IFT57: variants seen among roughly 807,000 people sequenced by gnomAD.
IFT57 encodes intraflagellar transport 57, also known as intraflagellar transport protein 57 homolog.
IFT57 carries 59 observed loss-of-function variants against 56.8 expected under a neutral mutation model. That is an observed-to-expected ratio of 1.04 (90% CI 0.84 to 1.29). The LOEUF is 1.29. Among genes scored for constraint, IFT57 ranks in the 50% most tolerant of loss-of-function variants. The pLI is 0.00. For synonymous variants in IFT57, 209 were observed against 186.1 expected, an observed-to-expected ratio of 1.12 and a Z score of -1.00; for missense variants, 470 against 522.1, an observed-to-expected ratio of 0.90 and a Z score of 0.97.
chr3:108,210,300 A>T (rs2080336621), intron 4 of IFT57, among the ~76,000 whole-genome samples: 2 of 149,498 alleles, frequency 1.3e-5, no homozygotes, highest in African/African-American at 2.4e-5. Flanking sequence ...TTTCTAGATG[A>T]TTATAGCAGA....
At chr3:108,172,722 G>A (rs1329789041) in intron 6 of IFT57, among the ~76,000 whole-genome samples, 1 of 151,802 alleles carries the variant, frequency 6.6e-6, no homozygotes, top group Non-Finnish European at 1.5e-5. Context: ...GTGAAGGTGG[G>A]GTAGTAGAGA....
At chr3:108,203,987 A>G (rs1050453799) in intron 5 of IFT57, among the ~76,000 whole-genome samples, 4 of 152,236 alleles carry the variant, frequency 2.6e-5, no homozygotes, top group African/African-American at 9.6e-5. Flanking sequence ...AGAATTCATC[A>G]TGCTCAACTT....
intron 1 of IFT57, 179 bp downstream of exon 1, chr3:108,221,932 G>T: frequency 8.0e-7 from 1 of 1,249,160 alleles, no homozygotes. Flanking sequence ...ACCAAGTCAG[G>T]GCTGCGTGAG....
intron 4 of IFT57, among the ~76,000 whole-genome samples, chr3:108,209,857 G>C (rs1372885129): frequency 6.6e-6 from 1 of 151,940 alleles, no homozygotes; most frequent in African/African-American, 2.4e-5. Context: ...GATAGCTGTG[G>C]ATCTTGGGAC....
chr3:108,207,267 C>T (rs974491013), intron 4 of IFT57, among the ~76,000 whole-genome samples: 6 of 152,066 alleles, frequency 3.9e-5, no homozygotes, highest in South Asian at 2.1e-4. Context: ...AGGTGGATGC[C>T]GAGCTAATCC....
At chr3:108,211,465 C>G (rs2080342329) in intron 4 of IFT57, among the ~76,000 whole-genome samples, 1 of 152,246 alleles carries the variant, frequency 6.6e-6, no homozygotes, top group African/African-American at 2.4e-5. Flanking sequence ...CACCCTCCCC[C>G]TCACTTAGGA....
At chr3:108,206,019 ATATATTG>A in intron 5 of IFT57, among the ~76,000 whole-genome samples, 1 of 101,526 alleles carries the variant, frequency 9.8e-6, no homozygotes, top group Admixed American at 1.1e-4. Context: ...CTTATATATA[ATATATTG>A]TATATTATTT....
chr3:108,167,302 T>C, intron 7 of IFT57: 1 of 224,512 alleles, frequency 4.5e-6, no homozygotes. Context: ...GTGAGTTTCC[T>C]ATAGCACGAT....
chr3:108,178,967 G>A (rs1335703133), intron 6 of IFT57, among the ~76,000 whole-genome samples: 1 of 151,490 alleles, frequency 6.6e-6, no homozygotes, highest in East Asian at 2.0e-4. Context: ...ATGTGTTTTA[G>A]CATATAGAAG....
At chr3:108,191,350 C>T (rs756058571) in intron 6 of IFT57, among the ~76,000 whole-genome samples, 171 bp downstream of exon 6, 2 of 152,152 alleles carry the variant, frequency 1.3e-5, no homozygotes, top group Non-Finnish European at 2.9e-5. Flanking sequence ...GACCACATTA[C>T]ATTATTTAGT....
At chr3:108,166,747 C>T in intron 8 of IFT57, 107 bp downstream of exon 8, 16 of 896,790 alleles carry the variant, frequency 1.8e-5, no homozygotes, top group Non-Finnish European at 2.5e-5. Context: ...TGATGTTTTG[C>T]TGTTCATGAA....
chr3:108,197,551 G>A (rs1248393355), intron 5 of IFT57, among the ~76,000 whole-genome samples: 1 of 152,110 alleles, frequency 6.6e-6, no homozygotes, highest in Non-Finnish European at 1.5e-5. Flanking sequence ...AGTAATCTTT[G>A]GTCAAGCATC....
chr3:108,179,829 G>C (rs1462974683), intron 6 of IFT57, among the ~76,000 whole-genome samples: 1 of 151,910 alleles, frequency 6.6e-6, no homozygotes, highest in East Asian at 1.9e-4. Context: ...GCAGCTTAAA[G>C]TCTTCTATGG....
chr3:108,192,741 A>C (rs2080223105), intron 5 of IFT57, among the ~76,000 whole-genome samples: 2 of 152,242 alleles, frequency 1.3e-5, no homozygotes, highest in African/African-American at 4.8e-5. Flanking sequence ...TGAATAATCT[A>C]TAAAAAGATA....
chr3:108,162,533 TGTTGGACTTCTCCTTCAGCTTTG>T lies in IFT57; in HGVS notation c.1211_1233del (p.Ser404TyrfsTer3). ...ACTGTGGCATGCATGTTCCTAGTCATGTTGGACTTCTCCTTCAGCTTTGATTGGAGTAGTGTGTGTTCCACAAT... is the reference window on the plus strand; with the variant it reads ...ACTGTGGCATGCATGTTCCTAGTCATATTGGAGTAGTGTGTGTTCCACAAT... On this transcript the variant is annotated frameshift_variant, in exon 11 of 11. Coordinates refer to ENST00000264538, the MANE Select transcript of IFT57 (RefSeq NM_018010.4). LOFTEE classifies it high-confidence loss of function. 6.2e-7 allele frequency: 1 copy of T among 1,612,410 alleles called. No homozygotes were observed. Among genetic ancestry groups the T allele is most frequent in the East Asian group, 2.2e-5 (1 of 44,832 alleles).
At chr3:108,162,680 T>TA in intron 10 of IFT57, 25 bp from the exon 11 acceptor site, 1 of 1,545,874 alleles carries the variant, frequency 6.5e-7, no homozygotes. Flanking sequence ...TAACATGAAA[T>TA]AAAAATGTTC....
chr3:108,210,102 T>C (rs1392599921), intron 4 of IFT57, among the ~76,000 whole-genome samples: 2 of 152,130 alleles, frequency 1.3e-5, no homozygotes, highest in Non-Finnish European at 2.9e-5. Flanking sequence ...TCTCAGTAAT[T>C]CAGAAGGCAC....
chr3:108,173,111 A>G (rs1171895174), intron 6 of IFT57, among the ~76,000 whole-genome samples: 1 of 151,890 alleles, frequency 6.6e-6, no homozygotes, highest in Non-Finnish European at 1.5e-5. Flanking sequence ...AGAAAACTAA[A>G]TATCTAACAG....
At chr3:108,220,778 T>C (rs893108711) in intron 1 of IFT57, among the ~76,000 whole-genome samples, 1 of 152,186 alleles carries the variant, frequency 6.6e-6, no homozygotes, top group African/African-American at 2.4e-5. Context: ...AGGAATTTCA[T>C]TTCTAGTAAG....
Sources: allele counts gnomAD v4.1 joint callset (sites outside exome capture counted in the v4.1 genomes callset), GRCh38; gene constraint gnomAD v4.1.1; transcripts MANE v1.5; gene names NCBI Gene and HGNC (gene_info 2026-07-23, HGNC 2026-07-21).